The following DLGAP1 variants were observed in gnomAD, a reference collection of about 807,000 sequenced individuals.
DLGAP1 encodes the protein disks large-associated protein 1.
DLGAP1 carries 11 observed loss-of-function variants against 90.8 expected under a neutral mutation model. The ratio of observed to expected loss-of-function variants is 0.12; its 90% CI spans 0.08 to 0.20. The LOEUF is 0.20. Ranked by LOEUF, DLGAP1 falls within the 10% of genes least tolerant of loss-of-function variation. The pLI is 1.00. For missense variants in DLGAP1, 1,050 were observed against 1,333.8 expected (o/e 0.79, Z 3.31); for synonymous variants, 558 against 540.7 (o/e 1.03, Z -0.44).
chr18:3,639,028 T>G (rs2058825854), intron 7 of DLGAP1, among the ~76,000 whole-genome samples: 1 of 152,198 alleles, frequency 6.6e-6, no homozygotes, highest in Admixed American at 6.5e-5. Context: ...GCCTTCAGTT[T>G]CCTAAGATAG....
Position 4,129,406 on chromosome 18 carries a change from A to T in DLGAP1, c.-159+21774T>A, listed in dbSNP as rs4798178. Among the ~76,000 whole-genome samples the T allele has an allele frequency of 5.1e-3, 783 of 152,204 alleles. 8 individuals are homozygous for T. The highest frequency in any genetic ancestry group is 0.017 in the African/African-American group (724 of 41,534). On this transcript the variant is annotated intron_variant, in intron 2 of 12. Coordinates refer to ENST00000315677, the MANE Select transcript of DLGAP1 (RefSeq NM_004746.4). ...TGCAGTATCTCAGCATTGTCTTTTC[A>T]TTAAAAATTGTATTGGGCCACATCA...
rs2062459176 is a variant in DLGAP1, at chr18:3,732,182, CT to C, written c.1351-2808del. On this transcript the variant is annotated intron_variant, in intron 6 of 12. Coordinates refer to ENST00000315677, the MANE Select transcript of DLGAP1 (RefSeq NM_004746.4). ...ACTCATGGTGGAGTTCATCATGTTC[CT>C]CTGCATTTTGTATTGCCTGAAAATT... Among the ~76,000 whole-genome samples, 2 of 152,130 alleles carry C rather than the reference CT, an allele frequency of 1.3e-5. 1 individual carries two copies. The highest frequency in any genetic ancestry group is 4.1e-4 in the South Asian group (2 of 4,824).
intron 7 of DLGAP1, among the ~76,000 whole-genome samples, chr18:3,614,490 T>G (rs950646028): frequency 1.3e-5 from 2 of 152,094 alleles, no homozygotes; most frequent in African/African-American, 4.8e-5. Flanking sequence ...ATATTTGATA[T>G]GAAAATACCA....
intron 1 of DLGAP1, among the ~76,000 whole-genome samples, chr18:4,245,367 A>G (rs1230345575): frequency 6.6e-6 from 1 of 152,238 alleles, no homozygotes; most frequent in Non-Finnish European, 1.5e-5. Flanking sequence ...TCTGCAAAAG[A>G]CATATGTACT....
intron 11 of DLGAP1, among the ~76,000 whole-genome samples, chr18:3,502,990 G>GA (rs139837424): frequency 0.026 from 3,879 of 146,724 alleles, 158 homozygotes; most frequent in African/African-American, 0.091. Flanking sequence ...TGACATTTCT[G>GA]AAAAAAAAAA....
intron 1 of DLGAP1, among the ~76,000 whole-genome samples, chr18:4,355,234 C>T (rs1826340713): frequency 6.6e-6 from 1 of 152,168 alleles, no homozygotes; most frequent in South Asian, 2.1e-4. Flanking sequence ...CCAGGTGTCC[C>T]TGAACAGGTC....
intron 2 of DLGAP1, among the ~76,000 whole-genome samples, chr18:4,049,272 G>A (rs914495962): frequency 1.0e-4 from 15 of 150,092 alleles, no homozygotes; most frequent in Admixed American, 4.6e-4. Context: ...AGAACTTCCC[G>A]CCACACAGAT....
At chr18:3,562,322 A>G (rs989797729) in intron 9 of DLGAP1, among the ~76,000 whole-genome samples, 3 of 152,076 alleles carry the variant, frequency 2.0e-5, no homozygotes, top group African/African-American at 7.2e-5. Flanking sequence ...GTTCAAGTCC[A>G]TCCTGGGCAA....
intron 2 of DLGAP1, among the ~76,000 whole-genome samples, chr18:4,015,135 A>C (rs1048720923): frequency 1.7e-4 from 26 of 152,154 alleles, no homozygotes; most frequent in Admixed American, 6.5e-5. Flanking sequence ...TGTGGATTGA[A>C]AGCTCTGAAG....
At chr18:3,842,862 G>C (rs2068798028) in intron 4 of DLGAP1, among the ~76,000 whole-genome samples, 2 of 152,154 alleles carry the variant, frequency 1.3e-5, no homozygotes, top group African/African-American at 2.4e-5. Flanking sequence ...TGTGAGAATA[G>C]ATGAGGTCAT....
intron 7 of DLGAP1, among the ~76,000 whole-genome samples, chr18:3,621,662 T>A (rs890914778): frequency 6.6e-6 from 1 of 152,244 alleles, no homozygotes; most frequent in African/African-American, 2.4e-5. Context: ...CTATAAATCT[T>A]CCACTGCGTG....
At chr18:4,301,919 T>A (rs187858145) in intron 1 of DLGAP1, among the ~76,000 whole-genome samples, 5 of 152,304 alleles carry the variant, frequency 3.3e-5, no homozygotes, top group Admixed American at 2.0e-4. Flanking sequence ...ATATATCTGT[T>A]GGTCATTTGC....
chr18:3,792,945 C>T (rs1488014955), intron 5 of DLGAP1, among the ~76,000 whole-genome samples: 1 of 152,144 alleles, frequency 6.6e-6, no homozygotes, highest in Admixed American at 6.5e-5. Context: ...GCTGGTGTCT[C>T]GACCTCCCTC....
rs1264579346 is a variant in DLGAP1 at position 3,879,410 on chromosome 18, C to A, written c.659G>T (p.Gly220Val). 1.9e-6 allele frequency: 3 copies of A among 1,611,684 alleles called. No homozygotes were observed. Among genetic ancestry groups the A allele is most frequent in the Non-Finnish European group, 2.5e-6 (3 of 1,179,974 alleles). ...GGGGCACCTGCCCATGGTCATCACG[C>A]CCGAGGGGGCGTGGTAGATGCACAT... ...GDMCIYHAPS[G>V]VMTMGRCPDR... is the part of the protein sequence containing the mutation. The change falls in exon 4 of 13, where the codon GGC becomes GTC. Residue 220 changes from glycine to valine, a missense_variant. Physicochemically the swap from Gly to Val is moderately radical, Grantham distance 109 (BLOSUM62 -3). This residue lies in a region of DLGAP1 where 485 missense variants were observed against 454.1 expected (regional missense o/e 1.07). Coordinates refer to ENST00000315677, the MANE Select transcript of DLGAP1 (RefSeq NM_004746.4). This position sits in a 1 kb window ranked among gnomAD's most constrained non-coding sequence, Gnocchi z 6.6.
intron 10 of DLGAP1, among the ~76,000 whole-genome samples, chr18:3,519,391 C>G (rs1356398749): frequency 6.6e-6 from 1 of 152,264 alleles, no homozygotes; most frequent in South Asian, 2.1e-4. Flanking sequence ...CACTGCTGCC[C>G]GTTAGTCCTT....
chr18:3,933,745 G>C (rs904779069), intron 3 of DLGAP1, among the ~76,000 whole-genome samples: 13 of 152,194 alleles, frequency 8.5e-5, no homozygotes, highest in Non-Finnish European at 1.8e-4. Context: ...TACTCCGTTA[G>C]ATTTTGTATC....
rs1261749900 is a variant in DLGAP1, at chr18:3,727,306, G to A, written c.1591+1829C>T. ...TTGGAGTGAAGAGCATGGGACAGGC[G>A]CTGATGCAGGAAGTGTAAGTAAAAT... is the stretch of plus-strand genomic sequence containing the variant. On this transcript the variant is annotated intron_variant, in intron 7 of 12. Transcript: ENST00000315677. This position sits in a 1 kb window ranked among gnomAD's most constrained non-coding sequence, Gnocchi z 4.7. 6.6e-6 allele frequency among the ~76,000 whole-genome samples: 1 copy of A among 152,118 alleles called. No individual in the cohort carries two copies. Among genetic ancestry groups the A allele is most frequent in the East Asian group, 1.9e-4 (1 of 5,188 alleles).
intron 2 of DLGAP1, among the ~76,000 whole-genome samples, chr18:4,092,578 C>G (rs2075787464): frequency 6.6e-6 from 1 of 151,894 alleles, no homozygotes; most frequent in Non-Finnish European, 1.5e-5. Context: ...TGTTTTTTTT[C>G]CTTGTATTCT....
rs149471105 is a variant in DLGAP1 at position 3,996,213 on chromosome 18, C to A, written c.-73+8903G>T. On this transcript the variant is annotated intron_variant, in intron 3 of 12. Coordinates refer to ENST00000315677, the MANE Select transcript of DLGAP1 (RefSeq NM_004746.4). ...TAATTGAAAAATATTTTAAACAAGT[C>A]AATTCTGATAAGATGTAGAAATTCT... 4.1e-3 allele frequency among the ~76,000 whole-genome samples: 617 copies of A among 152,164 alleles called. 3 individuals are homozygous for A. Among genetic ancestry groups the A allele is most frequent in the African/African-American group, 0.014 (598 of 41,528 alleles).
Sources: allele counts gnomAD v4.1 joint callset (sites outside exome capture counted in the v4.1 genomes callset), GRCh38; gene constraint gnomAD v4.1.1; regional missense constraint gnomAD v4.1.1; non-coding constraint Gnocchi (gnomAD v3.1); transcripts MANE v1.5; gene names NCBI Gene and HGNC (gene_info 2026-07-23, HGNC 2026-07-21).